PAPSS1: variants seen among roughly 807,000 people sequenced by gnomAD.
PAPSS1 encodes the protein bifunctional 3'-phosphoadenosine 5'-phosphosulfate synthase 1.
PAPSS1 carries 50 observed loss-of-function variants against 72.0 expected under a neutral mutation model. That is an observed-to-expected ratio of 0.69 (90% CI 0.55 to 0.88). The LOEUF (loss-of-function observed/expected upper bound fraction) is 0.88. PAPSS1 is among the 40% of genes least tolerant of loss of function. PAPSS1 has a pLI of 0.00. For synonymous variants in PAPSS1, 261 were observed against 263.6 expected, an observed-to-expected ratio of 0.99 and a Z score of 0.09; for missense variants, 657 against 782.2, an observed-to-expected ratio of 0.84 and a Z score of 1.91.
At chr4:107,660,874 T>C (rs1727161864) in intron 5 of PAPSS1, among the ~76,000 whole-genome samples, 1 of 152,212 alleles carries the variant, frequency 6.6e-6, no homozygotes, top group Non-Finnish European at 1.5e-5. Flanking sequence ...ATGTGTCCAA[T>C]ACTTTGTTAT....
chr4:107,716,782 A>G (rs1373518295), intron 1 of PAPSS1, among the ~76,000 whole-genome samples: 1 of 152,238 alleles, frequency 6.6e-6, no homozygotes, highest in African/African-American at 2.4e-5. Flanking sequence ...CCACAGGTAT[A>G]TGGACAACTT....
At chr4:107,648,958 A>C (rs952379176) in intron 9 of PAPSS1, among the ~76,000 whole-genome samples, 4 of 152,266 alleles carry the variant, frequency 2.6e-5, no homozygotes, top group Non-Finnish European at 5.9e-5. Context: ...AATTTTTCAC[A>C]AAACTGGTAA....
intron 5 of PAPSS1, among the ~76,000 whole-genome samples, chr4:107,662,416 G>A (rs148885066): frequency 6.6e-6 from 1 of 152,256 alleles, no homozygotes; most frequent in East Asian, 1.9e-4. Context: ...AAAAAATAAT[G>A]GTGAAGGAAG....
At chr4:107,684,733 G>A (rs1205030228) in intron 4 of PAPSS1, among the ~76,000 whole-genome samples, 1 of 152,106 alleles carries the variant, frequency 6.6e-6, no homozygotes, top group Non-Finnish European at 1.5e-5. Flanking sequence ...ACCTGGCTTT[G>A]AGTTGTCCCA....
At chr4:107,655,587 G>A (rs1342185265) in intron 7 of PAPSS1, among the ~76,000 whole-genome samples, 2 of 152,146 alleles carry the variant, frequency 1.3e-5, no homozygotes, top group Non-Finnish European at 2.9e-5. Flanking sequence ...TCATCTATGG[G>A]TTAGAAAAAT....
At chr4:107,671,123 G>T (rs1727456041) in intron 5 of PAPSS1, among the ~76,000 whole-genome samples, 1 of 152,076 alleles carries the variant, frequency 6.6e-6, no homozygotes, top group Admixed American at 6.5e-5. Flanking sequence ...ACAGGAATCT[G>T]TATTTTCATT....
chr4:107,677,885 AG>A (rs1314861438), intron 5 of PAPSS1, among the ~76,000 whole-genome samples: 1 of 152,206 alleles, frequency 6.6e-6, no homozygotes, highest in African/African-American at 2.4e-5. Context: ...TGTCCTTTGT[AG>A]GGACATGGAT....
At chr4:107,716,237 G>A (rs1332508587) in intron 1 of PAPSS1, among the ~76,000 whole-genome samples, 2 of 152,150 alleles carry the variant, frequency 1.3e-5, no homozygotes, top group African/African-American at 2.4e-5. Flanking sequence ...TTCAGCCCAC[G>A]AGCAAGTGAA....
intron 11 of PAPSS1, among the ~76,000 whole-genome samples, chr4:107,629,891 C>A (rs533315366): frequency 6.6e-6 from 1 of 152,184 alleles, no homozygotes; most frequent in Non-Finnish European, 1.5e-5. Context: ...TCCCTCTCCA[C>A]CATGGCAATG....
intron 3 of PAPSS1, among the ~76,000 whole-genome samples, chr4:107,690,824 A>G (rs1329613687): frequency 3.3e-5 from 5 of 152,100 alleles, no homozygotes; most frequent in Non-Finnish European, 5.9e-5. Context: ...GGGGGCCACA[A>G]AGCAGATCAG....
At chr4:107,621,652 GCT>G (rs1725962332) in intron 11 of PAPSS1, among the ~76,000 whole-genome samples, 1 of 81,866 alleles carries the variant, frequency 1.2e-5, no homozygotes, top group Non-Finnish European at 2.2e-5. Context: ...AAGGAGTCTT[GCT>G]CTGTCACCCA....
At chr4:107,642,116 A>AT (rs1726560717) in intron 10 of PAPSS1, among the ~76,000 whole-genome samples, 1 of 152,198 alleles carries the variant, frequency 6.6e-6, no homozygotes, top group African/African-American at 2.4e-5. Flanking sequence ...CTAGGCTCTG[A>AT]TAAAAAAATA....
At chr4:107,712,021 T>C (rs1302712806) in intron 1 of PAPSS1, among the ~76,000 whole-genome samples, 2 of 152,222 alleles carry the variant, frequency 1.3e-5, no homozygotes, top group African/African-American at 4.8e-5. Flanking sequence ...CAGGACTAAG[T>C]TACTAGCATG....
intron 11 of PAPSS1, among the ~76,000 whole-genome samples, chr4:107,621,240 C>A (rs989333656): frequency 6.6e-6 from 1 of 151,994 alleles, no homozygotes; most frequent in African/African-American, 2.4e-5. Flanking sequence ...TAGTATGGTA[C>A]CAGATACTGA....
At chr4:107,710,963 T>C (rs1723476834) in intron 1 of PAPSS1, among the ~76,000 whole-genome samples, 2 of 152,264 alleles carry the variant, frequency 1.3e-5, no homozygotes, top group Admixed American at 1.3e-4. Flanking sequence ...ATACCTGCGC[T>C]GTAAACTCGC....
chr4:107,704,220 T>C (rs1444495683), intron 1 of PAPSS1, among the ~76,000 whole-genome samples: 2 of 152,260 alleles, frequency 1.3e-5, no homozygotes, highest in African/African-American at 4.8e-5. Context: ...ACTAAATTTA[T>C]TTATTCTAAC....
At chr4:107,628,991 C>T (rs2110300668) in intron 11 of PAPSS1, among the ~76,000 whole-genome samples, 1 of 152,288 alleles carries the variant, frequency 6.6e-6, no homozygotes, top group African/African-American at 2.4e-5. Context: ...GAGACAGATA[C>T]AAGGGGCCTC....
chr4:107,686,971 T>C (rs951511367), intron 4 of PAPSS1, 68 bp downstream of exon 4: 1 of 1,402,366 alleles, frequency 7.1e-7, no homozygotes, highest in Non-Finnish European at 9.9e-7. Context: ...TCTTAGAAAA[T>C]ATCAATCCTA....
intron 5 of PAPSS1, among the ~76,000 whole-genome samples, chr4:107,676,411 T>C (rs1449214783): frequency 7.2e-5 from 11 of 152,122 alleles, no homozygotes; most frequent in Non-Finnish European, 1.5e-5. Flanking sequence ...GAGAGCCAAA[T>C]CATGAGTGAA....
Sources: allele counts gnomAD v4.1 joint callset (sites outside exome capture counted in the v4.1 genomes callset), GRCh38; gene constraint gnomAD v4.1.1; transcripts MANE v1.5; gene names NCBI Gene and HGNC (gene_info 2026-07-23, HGNC 2026-07-21).